SNAPC4: variants seen among roughly 807,000 people sequenced by gnomAD.
SNAPC4 encodes small nuclear RNA activating complex polypeptide 4, also known as snRNA-activating protein complex subunit 4.
Under a neutral mutation model 151.3 loss-of-function variants are expected in SNAPC4, and 127 were observed. The observed-to-expected ratio is 0.84, with a 90% CI of 0.73 to 0.97. The LOEUF (loss-of-function observed/expected upper bound fraction) is 0.97, where lower values mean the gene tolerates loss of function less well. Ranked by LOEUF, SNAPC4 falls within the 50% of genes least tolerant of loss-of-function variation. SNAPC4 has a pLI of 0.00. For missense variants in SNAPC4, 2,186 were observed against 1,935.0 expected (o/e 1.13, Z -2.43); for synonymous variants, 1,002 against 824.4 (o/e 1.22, Z -3.69).
At chr9:136,376,875 GATGGAAGGCCCTCTGCCACACTCCCT>G (rs1024259088) in intron 22 of SNAPC4, among the ~76,000 whole-genome samples, 1 of 152,186 alleles carries the variant, frequency 6.6e-6, no homozygotes, top group African/African-American at 2.4e-5. Flanking sequence ...CCTGGGGAGA[GATGGAAGGCCCTCTGCCACACTCCCT>G]ATGACAGGCC....
rs1198077906 is a variant in SNAPC4, at chr9:136,395,337, G to A, written c.432C>T (p.His144=). The part of the protein sequence containing the change: ...KSLPPSTYMG[H]FMKPYFKDKV... ...TGTCCTTGAAATACGGCTTCATGAA[G>A]TGCCCCATGTATGTGCTTGGGGGCA... The change falls in exon 5 of 24, where the codon CAC becomes CAT. Residue 144 remains histidine (H), a synonymous_variant. Coordinates refer to ENST00000684778, the MANE Select transcript of SNAPC4 (RefSeq NM_003086.4). The A allele has an allele frequency of 6.8e-6, 11 of 1,613,484 alleles. No individual in the cohort carries two copies. In the Admixed American group the frequency reaches 8.3e-5, roughly 12 times the overall value.
rs145378234 is a variant in SNAPC4 at position 136,378,257 on chromosome 9, G to A, written c.3570C>T (p.Ser1190=). Residue 1190 remains serine, a synonymous_variant, in exon 22 of 24, where the codon TCC becomes TCT. Coordinates refer to ENST00000684778, the MANE Select transcript of SNAPC4 (RefSeq NM_003086.4). ...CTGCTTCAGGAGGGTCAGCGTGGGA[G>A]GACGTCCTGGGCTCAGGTATCTCCC... ...VAREIPEPRT[S]SHADPPEAEP... The A allele has an allele frequency of 2.1e-5, 34 of 1,607,810 alleles. No individual in the cohort carries two copies. The African/African-American group carries it at 4.0e-4, about 19-fold the overall frequency.
chr9:136,382,099 G>C (rs752078862), intron 17 of SNAPC4, 26 bp from the exon 18 acceptor site: 1 of 1,565,044 alleles, frequency 6.4e-7, no homozygotes, highest in South Asian at 1.2e-5. Flanking sequence ...AGCACCTGGG[G>C]CCCATGGCCA....
intron 5 of SNAPC4, 108 bp from the exon 6 acceptor site, chr9:136,394,986 G>A (rs988083368): frequency 1.5e-5 from 15 of 1,007,154 alleles, no homozygotes; most frequent in African/African-American, 4.8e-5. Flanking sequence ...CCTGCCTCCT[G>A]TTCTCCCGTA....
intron 17 of SNAPC4, 43 bp from the exon 18 acceptor site, chr9:136,382,116 G>A (rs1467567114): frequency 7.0e-6 from 11 of 1,560,952 alleles, no homozygotes; most frequent in Non-Finnish European, 9.5e-6. Context: ...GCCAGGCTCG[G>A]CCCCCGGAGT....
intron 13 of SNAPC4, among the ~76,000 whole-genome samples, chr9:136,387,276 C>T (rs573913903): frequency 6.6e-6 from 1 of 152,224 alleles, no homozygotes; most frequent in Non-Finnish European, 1.5e-5. Flanking sequence ...ATACAGAAGT[C>T]AGGCTTGGAA....
intron 2 of SNAPC4, among the ~76,000 whole-genome samples, chr9:136,397,587 C>A (rs554860336): frequency 2.4e-5 from 2 of 84,092 alleles, no homozygotes; most frequent in African/African-American, 9.3e-5. Context: ...GGTGGGGAGC[C>A]TATGGGGTGG....
At chr9:136,394,221 C>G (rs762946399) in intron 7 of SNAPC4, 28 bp downstream of exon 7, 3 of 1,580,150 alleles carry the variant, frequency 1.9e-6, no homozygotes, top group Non-Finnish European at 2.6e-6. Context: ...GCCTGAAGAC[C>G]GTTTTTGACT....
chr9:136,381,403 A>AG lies in SNAPC4; in HGVS notation c.2318-12dup. On this transcript the variant is annotated splice_polypyrimidine_tract_variant and intron_variant, in intron 18 of 23. Coordinates refer to ENST00000684778, the MANE Select transcript of SNAPC4 (RefSeq NM_003086.4). ...CCCTGAGGCCATCCGCTGCGGGCAC[A>AG]GGGGGATAAGTGGAAAGCAGCCCCA... 4 of 1,610,862 alleles carry AG rather than the reference A, an allele frequency of 2.5e-6. No homozygotes were observed. Among genetic ancestry groups the AG allele is most frequent in the Non-Finnish European group, 3.4e-6 (4 of 1,178,268 alleles).
chr9:136,379,792 G>A (rs1588740980), intron 21 of SNAPC4, 45 bp downstream of exon 21: 11 of 1,596,924 alleles, frequency 6.9e-6, no homozygotes, highest in Non-Finnish European at 8.6e-6. Flanking sequence ...CCCCGCCAGG[G>A]CCAGGTTAGG....
chr9:136,391,459 G>A (rs1834070819), intron 10 of SNAPC4, among the ~76,000 whole-genome samples: 1 of 152,160 alleles, frequency 6.6e-6, no homozygotes, highest in Non-Finnish European at 1.5e-5. Flanking sequence ...AGCTACTTTG[G>A]AAATCTATGA....
At chr9:136,388,998 G>A (rs960633529) in intron 10 of SNAPC4, among the ~76,000 whole-genome samples, 5 of 152,122 alleles carry the variant, frequency 3.3e-5, no homozygotes, top group South Asian at 2.1e-4. Context: ...CTCCCTTCTC[G>A]AGCTCTAGAG....
At chr9:136,382,585 A>C (rs1833739628) in intron 16 of SNAPC4, among the ~76,000 whole-genome samples, 1 of 152,188 alleles carries the variant, frequency 6.6e-6, no homozygotes, top group Non-Finnish European at 1.5e-5. Context: ...TCAGGCTGAC[A>C]GCAGCAGCCC....
Position 136,377,631 on chromosome 9 carries a change from TCA to T in SNAPC4, c.4194_4195del (p.Ser1400Ter), listed in dbSNP as rs1491276516. ...ACTCAGGAGGTCTTCATCCTCACTC[TCA>T]GAGCCCACCCTCGAAGGTACTGAGA... On this transcript the variant is annotated frameshift_variant, in exon 22 of 24. Coordinates refer to ENST00000684778, the MANE Select transcript of SNAPC4 (RefSeq NM_003086.4). LOFTEE classifies it high-confidence loss of function. The T allele has an allele frequency of 1.3e-6, 2 of 1,581,072 alleles. No homozygotes were observed. The highest frequency in any genetic ancestry group is 8.6e-7 in the Non-Finnish European group (1 of 1,162,124).
chr9:136,379,975 C>T lies in SNAPC4; in HGVS notation c.2500-111G>A, dbSNP rs543190880. On this transcript the variant is annotated intron_variant, in intron 20 of 23. Transcript: ENST00000684778. ...CCACTCCCTGAAATGGGACGAGGCCCCAAGGGCTGGTGCTGGCCTCCCACA... is the reference window on the plus strand; with the variant it reads ...CCACTCCCTGAAATGGGACGAGGCCTCAAGGGCTGGTGCTGGCCTCCCACA... 62 of 1,433,534 alleles carry T rather than the reference C, an allele frequency of 4.3e-5. No individual in the cohort carries two copies. In the East Asian group the frequency reaches 8.3e-4, roughly 19 times the overall value. The allele number at this position is 1,433,534 out of a possible 1,614,324, so 88.8% of individuals were successfully genotyped here.
intron 7 of SNAPC4, 44 bp downstream of exon 7, chr9:136,394,205 T>C (rs774655498): frequency 5.4e-6 from 8 of 1,494,718 alleles, no homozygotes; most frequent in Admixed American, 5.0e-5. Context: ...ATGAGCCCTA[T>C]GCCCAGCCTG....
rs1382762417 is a variant in SNAPC4, at chr9:136,379,259, C to T, written c.2568G>A (p.Lys856=). The T allele has an allele frequency of 6.2e-7, 1 of 1,612,624 alleles. No homozygotes were observed. The highest frequency in any genetic ancestry group is 1.1e-5 in the South Asian group (1 of 91,062). Residue 856 remains lysine, a synonymous_variant, in exon 22 of 24, where the codon AAG becomes AAA. Coordinates refer to ENST00000684778, the MANE Select transcript of SNAPC4 (RefSeq NM_003086.4). ...FPNVPAQEAS[K]SASHKGSRRL... ...TTCGGCTCCCTTTGTGGCTGGCACT[C>T]TTTGAGGCTTCTTGAGCCGGCACGT...
At chr9:136,380,599 C>A in intron 20 of SNAPC4, 141 bp downstream of exon 20, 2 of 603,850 alleles carry the variant, frequency 3.3e-6, no homozygotes, top group Non-Finnish European at 6.0e-6. Flanking sequence ...AAGGCTGCGT[C>A]CCCTCAGGTG....
Position 136,383,531 on chromosome 9 carries a change from C to G in SNAPC4, c.1638G>C (p.Glu546Asp), listed in dbSNP as rs371065798. The change falls in exon 16 of 24, where the codon GAG (glutamate) becomes GAC (aspartate). Residue 546 changes from glutamate (E) to aspartate (D), a missense_variant. Glu to Asp is a conservative substitution (Grantham distance 45, BLOSUM62 2). Coordinates refer to ENST00000684778, the MANE Select transcript of SNAPC4 (RefSeq NM_003086.4). The surrounding 1 kb of genome is among the most constrained non-coding windows in gnomAD (Gnocchi z 4.2). ...CCTCCCCGGCCTGCGCCTGCTCTGGCTCGTCCTCCTCGCTGCTGCTGCTGC... is the reference window on the plus strand; with the variant it reads ...CCTCCCCGGCCTGCGCCTGCTCTGGGTCGTCCTCCTCGCTGCTGCTGCTGC... The part of the protein sequence containing the change: ...SSSSSSSEED[E>D]PEQAQAGEGD... 1 of 1,591,872 alleles carries G rather than the reference C, an allele frequency of 6.3e-7. No individual in the cohort carries two copies. The highest frequency in any genetic ancestry group is 1.4e-5 in the African/African-American group (1 of 73,514).
Sources: gnomAD v4.1 joint callset for allele counts (sites outside exome capture counted in the v4.1 genomes callset) on GRCh38, gnomAD v4.1.1 for gene constraint, Gnocchi (gnomAD v3.1) non-coding constraint, MANE v1.5 for transcripts, NCBI Gene and HGNC (gene_info 2026-07-23, HGNC 2026-07-21) for gene names.